NIBAN1: variants seen among roughly 807,000 people sequenced by gnomAD.
The protein encoded by NIBAN1 is protein Niban 1.
Under a neutral mutation model 75.1 loss-of-function variants are expected in NIBAN1, and 81 were observed. The observed-to-expected ratio is 1.08, with a 90% CI of 0.90 to 1.30. The LOEUF (loss-of-function observed/expected upper bound fraction) is 1.30, where lower values mean the gene tolerates loss of function less well. Among genes scored for constraint, NIBAN1 ranks in the 50% most tolerant of loss-of-function variants. The probability of loss-of-function intolerance (pLI) is 0.00; values close to 1 mark genes in which losing one functional copy is unlikely to be tolerated. For synonymous variants in NIBAN1, 436 were observed against 424.8 expected (o/e 1.03, Z -0.32); for missense variants, 1,133 against 1,128.1 (o/e 1.00, Z -0.06).
chr1:184,896,424 C>G (rs1656802984), intron 2 of NIBAN1, among the ~76,000 whole-genome samples: 1 of 151,700 alleles, frequency 6.6e-6, no homozygotes, highest in Non-Finnish European at 1.5e-5. Context: ...TGTTGAGTTT[C>G]TTGTAGATTC....
In NIBAN1 at chr1:184,795,203, C is replaced by T; in HGVS notation, c.2561G>A (p.Ser854Asn). The T allele has an allele frequency of 6.2e-7, 1 of 1,614,186 alleles. No homozygotes were observed. Among genetic ancestry groups the T allele is most frequent in the East Asian group, 2.2e-5 (1 of 44,888 alleles). The part of the protein sequence containing the change: ...CTLGSDPICL[S>N]ESQVSEEQEE... The stretch of plus-strand genomic sequence containing the variant: ...TTGTTCCTCAGAAACCTGGCTCTCA[C>T]TGAGGCAGATGGGGTCAGAACCTAA... Residue 854 changes from serine to asparagine, a missense_variant, in exon 14 of 14, where the codon AGT becomes AAT. Ser to Asn is a conservative substitution (Grantham distance 46). Transcript: ENST00000367511.
intron 1 of NIBAN1, among the ~76,000 whole-genome samples, chr1:184,930,872 AG>A (rs1271835513): frequency 6.6e-6 from 1 of 152,224 alleles, no homozygotes; most frequent in Non-Finnish European, 1.5e-5. Context: ...AGAGCCATAA[AG>A]GGATGTGGTT....
At chr1:184,962,906 C>T (rs1361151435) in intron 1 of NIBAN1, among the ~76,000 whole-genome samples, 2 of 152,006 alleles carry the variant, frequency 1.3e-5, no homozygotes, top group Non-Finnish European at 2.9e-5. Context: ...AACTATCATA[C>T]TAGGTAACCA....
At chr1:184,800,415 G>A (rs573524936) in intron 12 of NIBAN1, among the ~76,000 whole-genome samples, 25 of 151,984 alleles carry the variant, frequency 1.6e-4, no homozygotes, top group Non-Finnish European at 3.1e-4. Flanking sequence ...ATTGCTTTTG[G>A]CGTTTTAGAC....
rs1364342578 is a variant in NIBAN1, at chr1:184,974,338, T to C, written c.19A>G (p.Ser7Gly). The C allele has an allele frequency of 6.4e-7, 1 of 1,565,504 alleles. No homozygotes were observed. Among genetic ancestry groups the C allele is most frequent in the Admixed American group, 1.8e-5 (1 of 55,320 alleles). MGGSASSQLDEGKCAYI... is the reference protein window; with the variant it reads MGGSASGQLDEGKCAYI... ...GCGCACTTGCCCTCGTCCAGCTGGC[T>C]GGAGGCTGAGCCGCCCATGACCGCG... is the stretch of plus-strand genomic sequence containing the variant. Residue 7 changes from serine to glycine, a missense_variant, in exon 1 of 14, where the codon AGC becomes GGC. Physicochemically the swap from Ser to Gly is moderately conservative, Grantham distance 56. Transcript: ENST00000367511.
chr1:184,807,036 C>A (rs1470432276), intron 10 of NIBAN1, among the ~76,000 whole-genome samples: 1 of 152,306 alleles, frequency 6.6e-6, no homozygotes, highest in South Asian at 2.1e-4. Flanking sequence ...TCCCAAAATG[C>A]TGGGATTACA....
chr1:184,802,973 C>A (rs1425007752), intron 12 of NIBAN1, among the ~76,000 whole-genome samples: 2 of 152,160 alleles, frequency 1.3e-5, no homozygotes, highest in Non-Finnish European at 2.9e-5. Flanking sequence ...TACCTCCTCC[C>A]AGAGCTGTTT....
chr1:184,799,290 G>C (rs1307445501), intron 12 of NIBAN1, among the ~76,000 whole-genome samples: 1 of 150,744 alleles, frequency 6.6e-6, no homozygotes, highest in Admixed American at 6.6e-5. Flanking sequence ...AGAATATGCG[G>C]TGTTTGGTTT....
intron 7 of NIBAN1, 108 bp from the exon 8 acceptor site, chr1:184,823,437 G>GCA (rs1654758255): frequency 2.9e-6 from 4 of 1,395,068 alleles, no homozygotes; most frequent in Non-Finnish European, 3.9e-6. Flanking sequence ...AAACAGAACT[G>GCA]CACACACATT....
chr1:184,820,523 A>G lies in NIBAN1; in HGVS notation c.986-1698T>C, dbSNP rs549041376. 4.6e-5 allele frequency among the ~76,000 whole-genome samples: 7 copies of G among 152,340 alleles called. No homozygotes were observed. The East Asian group carries it at 9.6e-4, about 21-fold the overall frequency. ...CCCTAATGTCCTGGAACTCCCACAC[A>G]GCTTCCTGAGCTGGGGTCTGCAGGT... On this transcript the variant is annotated intron_variant, in intron 8 of 13. Transcript: ENST00000367511.
chr1:184,889,534 T>G (rs749993754), intron 4 of NIBAN1, among the ~76,000 whole-genome samples: 11 of 152,172 alleles, frequency 7.2e-5, no homozygotes, highest in Non-Finnish European at 1.3e-4. Context: ...CATCCTAAAA[T>G]TAGAAAAATA....
chr1:184,824,314 C>T (rs749761231), intron 6 of NIBAN1, among the ~76,000 whole-genome samples: 21 of 152,046 alleles, frequency 1.4e-4, no homozygotes, highest in Non-Finnish European at 2.5e-4. Flanking sequence ...ACGTCTAGAC[C>T]GACCAGAGCC....
At chr1:184,866,971 T>C (rs1307165259) in intron 5 of NIBAN1, among the ~76,000 whole-genome samples, 6 of 152,224 alleles carry the variant, frequency 3.9e-5, no homozygotes, top group Admixed American at 1.3e-4. Context: ...CCTTCTATTG[T>C]TATTCATTTA....
intron 6 of NIBAN1, among the ~76,000 whole-genome samples, chr1:184,826,267 G>A (rs1044972316): frequency 1.3e-5 from 2 of 152,208 alleles, no homozygotes; most frequent in African/African-American, 4.8e-5. Flanking sequence ...CACTGGTGGG[G>A]ATGTTTTTGA....
At chr1:184,908,993 T>G (rs1389578756) in intron 1 of NIBAN1, among the ~76,000 whole-genome samples, 1 of 152,186 alleles carries the variant, frequency 6.6e-6, no homozygotes, top group South Asian at 2.1e-4. Context: ...TTTCTTGGTT[T>G]TAAGGAAAAC....
intron 5 of NIBAN1, among the ~76,000 whole-genome samples, chr1:184,882,350 G>A (rs748602327): frequency 1.1e-4 from 16 of 152,152 alleles, no homozygotes; most frequent in Non-Finnish European, 2.4e-4. Context: ...GGTACATCAT[G>A]CTGTCAAAAA....
In NIBAN1 at chr1:184,956,185, CA is replaced by C. The variant is rs1421234788; in HGVS notation, c.55+18116del. Among the ~76,000 whole-genome samples, 11 of 152,234 alleles carry C rather than the reference CA, an allele frequency of 7.2e-5. No homozygotes were observed. In the East Asian group the frequency reaches 2.1e-3, roughly 29 times the overall value. On this transcript the variant is annotated intron_variant, in intron 1 of 13. Coordinates refer to ENST00000367511, the MANE Select transcript of NIBAN1 (RefSeq NM_052966.4). ...CTAGGACTACAAGCATGCGCCACTA[CA>C]TTTGGCTCATTTTTGTTTTTTGTAG...
chr1:184,901,597 A>G (rs1411398997), intron 1 of NIBAN1, among the ~76,000 whole-genome samples: 1 of 152,210 alleles, frequency 6.6e-6, no homozygotes, highest in African/African-American at 2.4e-5. Context: ...TGTTTGGTCT[A>G]TCAGAAAAGC....
intron 1 of NIBAN1, among the ~76,000 whole-genome samples, chr1:184,961,030 C>T (rs115184926): frequency 0.013 from 1,982 of 150,228 alleles, 41 homozygotes; most frequent in African/African-American, 0.044. Flanking sequence ...CAAGTACTTC[C>T]CCCTCCTCCC....
Sources: allele counts gnomAD v4.1 joint callset (sites outside exome capture counted in the v4.1 genomes callset), GRCh38; gene constraint gnomAD v4.1.1; transcripts MANE v1.5; gene names NCBI Gene and HGNC (gene_info 2026-07-23, HGNC 2026-07-21).